The following ARHGAP8 variants were observed in gnomAD, a reference collection of about 807,000 sequenced individuals.
ARHGAP8 encodes rho GTPase-activating protein 8.
Under a neutral mutation model 46.1 loss-of-function variants are expected in ARHGAP8, and 62 were observed. The observed-to-expected ratio is 1.34, with a 90% CI of 1.10 to 1.66. The LOEUF is 1.66. Ranked by LOEUF, ARHGAP8 falls within the 40% of genes most tolerant of loss-of-function variation. The pLI is 0.00. For synonymous variants in ARHGAP8, 375 were observed against 243.1 expected, an observed-to-expected ratio of 1.54 and a Z score of -5.05; for missense variants, 923 against 568.4, an observed-to-expected ratio of 1.62 and a Z score of -6.34.
At chr22:44,818,758 G>A (rs1394904093) in intron 5 of ARHGAP8, among the ~76,000 whole-genome samples, 2 of 151,858 alleles carry the variant, frequency 1.3e-5, no homozygotes, top group African/African-American at 4.8e-5. Flanking sequence ...GTGCAGTGGT[G>A]CAATCATGGC....
At chr22:44,828,566 C>T (rs566234666) in intron 7 of ARHGAP8, among the ~76,000 whole-genome samples, 1 of 152,014 alleles carries the variant, frequency 6.6e-6, no homozygotes. Flanking sequence ...TCTCCTGCCT[C>T]AGCCTCCTGA....
At chr22:44,808,852 C>T (rs867805281) in intron 4 of ARHGAP8, 2 of 366,552 alleles carry the variant, frequency 5.5e-6, no homozygotes, top group East Asian at 1.5e-4. Context: ...CAGTCTCGCC[C>T]TGTTGCCCAG....
intron 10 of ARHGAP8, among the ~76,000 whole-genome samples, chr22:44,853,941 C>T (rs755768845): frequency 3.5e-5 from 5 of 142,584 alleles, no homozygotes; most frequent in East Asian, 4.4e-4. Context: ...GCAGGAGGAT[C>T]GCTTGAACCC....
chr22:44,778,997 T>A (rs1363718734), intron 1 of ARHGAP8, among the ~76,000 whole-genome samples: 1 of 152,028 alleles, frequency 6.6e-6, no homozygotes, highest in African/African-American at 2.4e-5. Flanking sequence ...CAAAAGATGG[T>A]CTGCAAAACA....
intron 5 of ARHGAP8, among the ~76,000 whole-genome samples, chr22:44,819,364 G>T (rs1929967577): frequency 6.6e-6 from 1 of 152,200 alleles, no homozygotes; most frequent in Non-Finnish European, 1.5e-5. Context: ...ACTGCACCTG[G>T]CCCTGATTTA....
In ARHGAP8 at chr22:44,811,401, G is replaced by A. The variant is rs138786044; in HGVS notation, c.299+2963G>A. Among the ~76,000 whole-genome samples the A allele has an allele frequency of 7.1e-3, 1,089 of 152,332 alleles. 7 individuals carry two copies. Among genetic ancestry groups the A allele is most frequent in the African/African-American group, 0.024 (980 of 41,570 alleles). ...GAAGGGCGTTGATAAGTGGAGCCAC[G>A]CAGGTGGAGAGACTTGAAGCAGTGA... On this transcript the variant is annotated intron_variant, in intron 4 of 11. Coordinates refer to ENST00000356099, the MANE Select transcript of ARHGAP8 (RefSeq NM_181335.3).
At chr22:44,807,653 C>A (rs5766046) in intron 3 of ARHGAP8, among the ~76,000 whole-genome samples, 3 of 151,872 alleles carry the variant, frequency 2.0e-5, no homozygotes, top group African/African-American at 7.3e-5. Flanking sequence ...ACCATGATCG[C>A]AAATGTGGTG....
At chr22:44,764,303 G>C (rs1473643212) in intron 1 of ARHGAP8, among the ~76,000 whole-genome samples, 1 of 152,184 alleles carries the variant, frequency 6.6e-6, no homozygotes, top group African/African-American at 2.4e-5. Flanking sequence ...TGGAAAAATG[G>C]ATTTGTGGCA....
chr22:44,831,131 T>C (rs530358138), intron 7 of ARHGAP8, among the ~76,000 whole-genome samples: 86 of 152,360 alleles, frequency 5.6e-4, no homozygotes, highest in Admixed American at 1.6e-3. Flanking sequence ...TTACACCTTT[T>C]GATGGTATTT....
rs1601542987 is a variant in ARHGAP8 at position 44,862,616 on chromosome 22, T to G, written c.*21T>G. The G allele has an allele frequency of 4.0e-6, 6 of 1,485,480 alleles. No individual in the cohort carries two copies. Among genetic ancestry groups the G allele is most frequent in the Middle Eastern group, 1.8e-4 (1 of 5,522 alleles). The allele number at this position is 1,485,480 out of a possible 1,614,324, so 92.0% of individuals were successfully genotyped here. On this transcript the variant is annotated 3_prime_UTR_variant, in exon 12 of 12. Coordinates refer to ENST00000356099, the MANE Select transcript of ARHGAP8 (RefSeq NM_181335.3). ...TCTAGTGTTGCGAACACTCTGTATATTTCGAGCTACCTCCCACACCTGTCT... is the reference window on the plus strand; with the variant it reads ...TCTAGTGTTGCGAACACTCTGTATAGTTCGAGCTACCTCCCACACCTGTCT...
intron 7 of ARHGAP8, among the ~76,000 whole-genome samples, chr22:44,845,026 A>G (rs535333865): frequency 5.9e-5 from 9 of 152,254 alleles, no homozygotes; most frequent in Admixed American, 3.9e-4. Flanking sequence ...AGCCCTCCCC[A>G]AACCCCATGT....
intron 2 of ARHGAP8, among the ~76,000 whole-genome samples, chr22:44,800,404 C>T (rs1290090134): frequency 6.6e-6 from 1 of 152,152 alleles, no homozygotes; most frequent in Non-Finnish European, 1.5e-5. Flanking sequence ...CTGCACCCGG[C>T]CTGATCTGTC....
chr22:44,790,788 A>G (rs1927623159), intron 2 of ARHGAP8, among the ~76,000 whole-genome samples: 1 of 142,074 alleles, frequency 7.0e-6, no homozygotes, highest in African/African-American at 2.6e-5. Context: ...GCTGGAGTGC[A>G]GTGGCATGAT....
intron 1 of ARHGAP8, among the ~76,000 whole-genome samples, chr22:44,764,906 C>T (rs758367161): frequency 3.3e-5 from 5 of 152,238 alleles, no homozygotes; most frequent in Non-Finnish European, 7.3e-5. Flanking sequence ...CTGGCACACT[C>T]CCCTCCTGGC....
intron 5 of ARHGAP8, among the ~76,000 whole-genome samples, chr22:44,820,923 T>C (rs753295352): frequency 6.6e-6 from 1 of 152,198 alleles, no homozygotes; most frequent in Admixed American, 6.5e-5. Context: ...CGCTGTCCCT[T>C]TGGATTCTCC....
intron 7 of ARHGAP8, 128 bp from the exon 8 acceptor site, chr22:44,845,139 CCT>C (rs1341509793): frequency 8.2e-6 from 9 of 1,091,616 alleles, no homozygotes; most frequent in Non-Finnish European, 1.2e-5. Flanking sequence ...GCTGAGCCTA[CCT>C]CTCTCTTCCT....
At chr22:44,753,522 A>G (rs981383372) in intron 1 of ARHGAP8, among the ~76,000 whole-genome samples, 1 of 151,194 alleles carries the variant, frequency 6.6e-6, no homozygotes, top group Non-Finnish European at 1.5e-5. Context: ...CGCCCGGCCT[A>G]AAAGCCCAAA....
chr22:44,818,055 A>G (rs1233690576), intron 5 of ARHGAP8, among the ~76,000 whole-genome samples: 1 of 152,164 alleles, frequency 6.6e-6, no homozygotes, highest in Non-Finnish European at 1.5e-5. Flanking sequence ...CAGAGACTGA[A>G]GTGAGCTGAG....
chr22:44,838,387 C>T (rs1436329148), intron 7 of ARHGAP8, among the ~76,000 whole-genome samples: 2 of 152,298 alleles, frequency 1.3e-5, no homozygotes, highest in East Asian at 3.9e-4. Flanking sequence ...CTGCCCATGT[C>T]TGCCTCCCAA....
Sources: gnomAD v4.1 joint callset for allele counts (sites outside exome capture counted in the v4.1 genomes callset) on GRCh38, gnomAD v4.1.1 for gene constraint, MANE v1.5 for transcripts, NCBI Gene and HGNC (gene_info 2026-07-23, HGNC 2026-07-21) for gene names.